PTPRK: variants seen among roughly 807,000 people sequenced by gnomAD.
PTPRK encodes receptor-type tyrosine-protein phosphatase kappa.
Under a neutral mutation model 178.0 loss-of-function variants are expected in PTPRK, and 75 were observed. That is an observed-to-expected ratio of 0.42 (90% CI 0.35 to 0.51). PTPRK has a LOEUF of 0.51. Ranked by LOEUF, PTPRK falls within the 20% of genes least tolerant of loss-of-function variation. PTPRK has a pLI of 0.02. For missense variants in PTPRK, 1,441 were observed against 1,797.8 expected (o/e 0.80, Z 3.59); for synonymous variants, 637 against 620.6 (o/e 1.03, Z -0.39).
chr6:128,231,197 G>A lies in PTPRK; in HGVS notation c.693+8838C>T, dbSNP rs1018454739. On this transcript the variant is annotated intron_variant, in intron 5 of 29. Coordinates refer to ENST00000368226, the MANE Select transcript of PTPRK (RefSeq NM_002844.4). ...GACTTTATCTCAAGACCTATAAGCAGAATTCTTTATATAAAGCTATGCAGA... is the reference window on the plus strand; with the variant it reads ...GACTTTATCTCAAGACCTATAAGCAAAATTCTTTATATAAAGCTATGCAGA... Among the ~76,000 whole-genome samples the A allele has an allele frequency of 3.9e-5, 6 of 152,140 alleles. No homozygotes were observed. The South Asian group carries it at 6.2e-4, about 16-fold the overall frequency.
chr6:128,481,300 T>C lies in PTPRK; in HGVS notation c.100+38959A>G, dbSNP rs537862363. ...TTAACTGGCCACTTCCCTTACCTCA[T>C]TGCCAAGATTTAGAATATGAAATTC... On this transcript the variant is annotated intron_variant, in intron 1 of 29. Coordinates refer to ENST00000368226, the MANE Select transcript of PTPRK (RefSeq NM_002844.4). 1.7e-3 allele frequency among the ~76,000 whole-genome samples: 262 copies of C among 152,282 alleles called. 1 individual carries two copies. Among genetic ancestry groups the C allele is most frequent in the Non-Finnish European group, 2.8e-3 (188 of 68,008 alleles).
At chr6:128,310,556 T>C (rs1355423890) in intron 3 of PTPRK, among the ~76,000 whole-genome samples, 2 of 152,062 alleles carry the variant, frequency 1.3e-5, no homozygotes, top group Non-Finnish European at 2.9e-5. Context: ...GGCTCCAAAC[T>C]GGGAAGCAAA....
chr6:128,051,035 A>G (rs1039529623), intron 13 of PTPRK, among the ~76,000 whole-genome samples: 5 of 152,070 alleles, frequency 3.3e-5, no homozygotes, highest in African/African-American at 1.2e-4. Flanking sequence ...ACTTCATTTA[A>G]TTTGTTTAAA....
chr6:128,381,847 G>A (rs1837953155), intron 2 of PTPRK, among the ~76,000 whole-genome samples: 1 of 152,098 alleles, frequency 6.6e-6, no homozygotes, highest in Non-Finnish European at 1.5e-5. Flanking sequence ...TAAAACGGAA[G>A]TTTAGACTAG....
At chr6:128,410,571 T>A (rs1584582935) in intron 1 of PTPRK, among the ~76,000 whole-genome samples, 1 of 152,238 alleles carries the variant, frequency 6.6e-6, no homozygotes, top group East Asian at 1.9e-4. Flanking sequence ...ATTTGTCATG[T>A]GGCCTTGCAT....
chr6:128,008,125 T>G, intron 14 of PTPRK: 1 of 1,215,542 alleles, frequency 8.2e-7, no homozygotes, highest in South Asian at 1.2e-5. Context: ...TATATTAAAA[T>G]AAACTCTGAT....
At chr6:128,113,905 T>C (rs1791074518) in intron 7 of PTPRK, among the ~76,000 whole-genome samples, 1 of 152,138 alleles carries the variant, frequency 6.6e-6, no homozygotes, top group African/African-American at 2.4e-5. Flanking sequence ...ACAGAATGTA[T>C]CTTTATGGTA....
intron 1 of PTPRK, among the ~76,000 whole-genome samples, chr6:128,466,587 G>T (rs551043570): frequency 6.6e-6 from 1 of 152,270 alleles, no homozygotes; most frequent in African/African-American, 2.4e-5. Context: ...TAGCAAGGGG[G>T]ATAGTAGGCA....
chr6:128,343,517 A>G lies in PTPRK; in HGVS notation c.224-21207T>C, dbSNP rs550773266. ...CTCCATCTCAAAAAAAAAAAAAAAGAAAAGAAAAAAGAATCAATATTTTCA... is the reference window on the plus strand; with the variant it reads ...CTCCATCTCAAAAAAAAAAAAAAAGGAAAGAAAAAAGAATCAATATTTTCA... On this transcript the variant is annotated intron_variant, in intron 2 of 29. Transcript: ENST00000368226. Among the ~76,000 whole-genome samples, 33 of 150,956 alleles carry G rather than the reference A, an allele frequency of 2.2e-4. No individual in the cohort carries two copies. The South Asian group carries it at 6.6e-3, about 30-fold the overall frequency.
chr6:128,313,568 A>G (rs1486592436), intron 3 of PTPRK, among the ~76,000 whole-genome samples: 1 of 152,122 alleles, frequency 6.6e-6, no homozygotes, highest in African/African-American at 2.4e-5. Flanking sequence ...AAACAAAGCC[A>G]TTTCAGGACA....
At chr6:128,387,242 C>T (rs1838871220) in intron 2 of PTPRK, among the ~76,000 whole-genome samples, 1 of 152,136 alleles carries the variant, frequency 6.6e-6, no homozygotes, top group Non-Finnish European at 1.5e-5. Context: ...AAAGGATTCG[C>T]TAATTATTTA....
intron 22 of PTPRK, 94 bp from the exon 23 acceptor site, chr6:127,983,471 A>C: frequency 7.4e-7 from 1 of 1,360,400 alleles, no homozygotes; most frequent in Non-Finnish European, 1.0e-6. Context: ...AGGTAGAATC[A>C]AATTGATTTA....
At chr6:128,461,408 A>C (rs1370788021) in intron 1 of PTPRK, among the ~76,000 whole-genome samples, 1 of 152,220 alleles carries the variant, frequency 6.6e-6, no homozygotes, top group African/African-American at 2.4e-5. Context: ...AACTGCATTA[A>C]AATAAATTTT....
intron 8 of PTPRK, 37 bp from the exon 9 acceptor site, chr6:128,083,861 T>G: frequency 8.3e-7 from 1 of 1,200,346 alleles, no homozygotes; most frequent in South Asian, 1.7e-5. Context: ...TGAAAATGCT[T>G]ACATTAGAAA....
intron 1 of PTPRK, among the ~76,000 whole-genome samples, chr6:128,447,063 A>C (rs553452760): frequency 2.0e-5 from 3 of 152,202 alleles, no homozygotes; most frequent in Non-Finnish European, 4.4e-5. Context: ...AGTGCTTTGC[A>C]CATGGTGAGG....
chr6:128,076,503 C>A (rs1369587371), intron 11 of PTPRK, among the ~76,000 whole-genome samples: 1 of 151,942 alleles, frequency 6.6e-6, no homozygotes, highest in Non-Finnish European at 1.5e-5. Flanking sequence ...AGTTAGAAAG[C>A]AGATTTTATT....
chr6:128,072,584 C>G (rs180748593), intron 11 of PTPRK, among the ~76,000 whole-genome samples: 12 of 152,102 alleles, frequency 7.9e-5, no homozygotes, highest in African/African-American at 2.9e-4. Flanking sequence ...ACTTTTTACG[C>G]TGGGGTTGAT....
At chr6:128,396,380 C>T (rs1840305556) in intron 2 of PTPRK, among the ~76,000 whole-genome samples, 1 of 148,680 alleles carries the variant, frequency 6.7e-6, no homozygotes. Flanking sequence ...TAATTATGTA[C>T]TATTTTTGTT....
intron 7 of PTPRK, among the ~76,000 whole-genome samples, chr6:128,141,423 G>A (rs1251135327): frequency 6.6e-6 from 1 of 151,772 alleles, no homozygotes; most frequent in Non-Finnish European, 1.5e-5. Context: ...AAAGAACATT[G>A]TGAAATAAGC....
Sources: allele counts gnomAD v4.1 joint callset (sites outside exome capture counted in the v4.1 genomes callset), GRCh38; gene constraint gnomAD v4.1.1; transcripts MANE v1.5; gene names NCBI Gene and HGNC (gene_info 2026-07-23, HGNC 2026-07-21).